ITPR2: variants seen among roughly 807,000 people sequenced by gnomAD.
ITPR2 encodes the protein inositol 1,4,5-trisphosphate receptor type 2, also known as inositol 1,4,5-trisphosphate-gated calcium channel ITPR2.
ITPR2 carries 207 observed loss-of-function variants against 317.1 expected under a neutral mutation model. That is an observed-to-expected ratio of 0.65 (90% CI 0.58 to 0.73). The LOEUF (loss-of-function observed/expected upper bound fraction) is 0.73, where lower values mean the gene tolerates loss of function less well. Among genes scored for constraint, ITPR2 ranks in the 30% least tolerant of loss-of-function variants. The probability of loss-of-function intolerance (pLI) is 0.00; values close to 1 mark genes in which losing one functional copy is unlikely to be tolerated. For synonymous variants in ITPR2, 1,156 were observed against 1,149.1 expected (o/e 1.01, Z -0.12); for missense variants, 2,613 against 3,284.0 (o/e 0.80, Z 4.99).
chr12:26,551,455 C>T (rs1287518297), intron 36 of ITPR2, among the ~76,000 whole-genome samples: 1 of 152,176 alleles, frequency 6.6e-6, no homozygotes, highest in African/African-American at 2.4e-5. Flanking sequence ...GACCTCAGAG[C>T]GAAAATTCTT....
chr12:26,339,587 C>T (rs564325259), intron 56 of ITPR2, 104 bp from the exon 57 acceptor site: 14 of 773,348 alleles, frequency 1.8e-5, no homozygotes, highest in Non-Finnish European at 2.9e-5. Flanking sequence ...TACCTACTGT[C>T]CAGCATCATA....
At chr12:26,486,960 G>T in intron 40 of ITPR2, 108 bp downstream of exon 40, 1 of 1,122,228 alleles carries the variant, frequency 8.9e-7, no homozygotes, top group East Asian at 2.4e-5. Context: ...AGCCACAGTG[G>T]GGATAATTAA....
At chr12:26,580,734 T>C (rs956724831) in intron 32 of ITPR2, among the ~76,000 whole-genome samples, 3 of 152,182 alleles carry the variant, frequency 2.0e-5, no homozygotes, top group African/African-American at 7.2e-5. Context: ...GCGTGCATTC[T>C]TCTCAGAGTG....
intron 37 of ITPR2, among the ~76,000 whole-genome samples, chr12:26,512,077 T>G (rs1044697831): frequency 6.6e-5 from 10 of 150,860 alleles, no homozygotes; most frequent in African/African-American, 2.4e-4. Flanking sequence ...GAAAGGAAAA[T>G]AAATCCCAGG....
At chr12:26,784,612 G>T (rs916502101) in intron 2 of ITPR2, among the ~76,000 whole-genome samples, 1 of 151,640 alleles carries the variant, frequency 6.6e-6, no homozygotes, top group Non-Finnish European at 1.5e-5. Flanking sequence ...CCGAGGTGCC[G>T]GGATTGCAGA....
At chr12:26,456,663 C>G (rs1429713758) in intron 45 of ITPR2, among the ~76,000 whole-genome samples, 1 of 152,030 alleles carries the variant, frequency 6.6e-6, no homozygotes, top group African/African-American at 2.4e-5. Context: ...GATCAGGACC[C>G]CTTTCTAGTA....
intron 1 of ITPR2, among the ~76,000 whole-genome samples, chr12:26,819,491 C>T (rs1354011290): frequency 2.0e-5 from 3 of 152,138 alleles, no homozygotes; most frequent in Non-Finnish European, 4.4e-5. Context: ...GTCATATGCC[C>T]TATTCTATCT....
In ITPR2 at chr12:26,338,116, A is replaced by G. The variant is rs974757293; in HGVS notation, c.*1281T>C. 1 of 152,192 alleles carries G rather than the reference A, an allele frequency of 6.6e-6. No individual in the cohort carries two copies. The highest frequency in any genetic ancestry group is 2.4e-5 in the African/African-American group (1 of 41,432). The allele number at this position is 152,192 out of a possible 1,614,324, so 9.4% of individuals were successfully genotyped here. ...AGAGTATCTCCCAGAGTCTGGTATC[A>G]AGTGTCTTCACTCCCTGTCACATCA... On this transcript the variant is annotated 3_prime_UTR_variant, in exon 57 of 57. Transcript: ENST00000381340.
chr12:26,788,367 G>C (rs1950292899), intron 2 of ITPR2, among the ~76,000 whole-genome samples: 1 of 152,208 alleles, frequency 6.6e-6, no homozygotes, highest in African/African-American at 2.4e-5. Flanking sequence ...GAGGCTCGAA[G>C]CAGGTAGGTG....
intron 9 of ITPR2, among the ~76,000 whole-genome samples, chr12:26,699,742 A>G (rs1948412208): frequency 6.6e-6 from 1 of 152,222 alleles, no homozygotes; most frequent in South Asian, 2.1e-4. Context: ...TAACTATTAA[A>G]GGCCAAATAA....
chr12:26,539,606 A>G (rs749844628), intron 37 of ITPR2, among the ~76,000 whole-genome samples: 28 of 152,082 alleles, frequency 1.8e-4, no homozygotes, highest in Non-Finnish European at 3.8e-4. Flanking sequence ...ATCTGCTCCA[A>G]TCCCCCTTGG....
At chr12:26,716,011 T>C (rs1948734231) in intron 6 of ITPR2, 133 bp downstream of exon 6, 5 of 716,832 alleles carry the variant, frequency 7.0e-6, no homozygotes, top group Non-Finnish European at 9.5e-6. Context: ...CACAGCTATA[T>C]GTACCTTAGG....
intron 2 of ITPR2, among the ~76,000 whole-genome samples, chr12:26,762,748 G>T (rs747442675): frequency 3.3e-5 from 5 of 152,082 alleles, no homozygotes; most frequent in Admixed American, 1.3e-4. Flanking sequence ...TTAAAAATAA[G>T]TGTAGCTATA....
intron 37 of ITPR2, among the ~76,000 whole-genome samples, chr12:26,547,409 G>A (rs914200336): frequency 2.6e-5 from 4 of 152,186 alleles, no homozygotes; most frequent in Admixed American, 6.5e-5. Flanking sequence ...AATAACAGAC[G>A]TTGATGAGGA....
At chr12:26,544,132 A>G (rs2136989945) in intron 37 of ITPR2, among the ~76,000 whole-genome samples, 1 of 152,290 alleles carries the variant, frequency 6.6e-6, no homozygotes, top group South Asian at 2.1e-4. Flanking sequence ...TTAACTAACT[A>G]TATGATCCCT....
intron 2 of ITPR2, among the ~76,000 whole-genome samples, chr12:26,782,503 G>A (rs1458077222): frequency 1.3e-5 from 2 of 152,108 alleles, no homozygotes; most frequent in Non-Finnish European, 2.9e-5. Context: ...CAATCAATGT[G>A]GCTTTATACG....
At chr12:26,681,741 C>T in intron 13 of ITPR2, 133 bp downstream of exon 13, 1 of 580,164 alleles carries the variant, frequency 1.7e-6, no homozygotes, top group South Asian at 3.1e-5. Context: ...GGAATAAGTT[C>T]CCATCTCATT....
At chr12:26,574,082 G>C (rs1365711904) in intron 34 of ITPR2, among the ~76,000 whole-genome samples, 1 of 152,118 alleles carries the variant, frequency 6.6e-6, no homozygotes, top group East Asian at 1.9e-4. Context: ...GTAAACAAAA[G>C]GGAAGAATCC....
At chr12:26,702,605 A>G (rs1424273520) in intron 9 of ITPR2, among the ~76,000 whole-genome samples, 1 of 151,388 alleles carries the variant, frequency 6.6e-6, no homozygotes, top group East Asian at 1.9e-4. Flanking sequence ...TGCCCGGTTT[A>G]TTTTTGTATT....
Sources: allele counts gnomAD v4.1 joint callset (sites outside exome capture counted in the v4.1 genomes callset), GRCh38; gene constraint gnomAD v4.1.1; transcripts MANE v1.5; gene names NCBI Gene and HGNC (gene_info 2026-07-23, HGNC 2026-07-21).